RAB38: variants seen among roughly 807,000 people sequenced by gnomAD.
RAB38 encodes the protein RAB38, member RAS oncogene family, also known as ras-related protein Rab-38.
A neutral mutation model predicts 18.4 loss-of-function variants in RAB38; 15 were observed. The ratio of observed to expected loss-of-function variants is 0.82; its 90% CI spans 0.55 to 1.26. The LOEUF (loss-of-function observed/expected upper bound fraction) is 1.26. RAB38 is among the 50% of genes most tolerant of loss of function. RAB38 has a pLI of 0.00. For synonymous variants in RAB38, 101 were observed against 104.4 expected (o/e 0.97, Z 0.20); for missense variants, 294 against 267.4 (o/e 1.10, Z -0.69).
the RAB38 span, among the ~76,000 whole-genome samples, chr11:88,032,396 T>A: frequency 5.3e-5 from 8 of 152,178 alleles, no homozygotes; most frequent in East Asian, 3.9e-4. Flanking sequence ...TAATTAAACT[T>A]AAGAGCTTCT....
the RAB38 span, among the ~76,000 whole-genome samples, chr11:87,927,422 G>T: frequency 6.6e-6 from 1 of 151,934 alleles, no homozygotes; most frequent in Non-Finnish European, 1.5e-5. Flanking sequence ...TTGGAGGTGA[G>T]TTACCTTCAG....
At chr11:87,977,806 T>C in the RAB38 span, among the ~76,000 whole-genome samples, 1 of 110,724 alleles carries the variant, frequency 9.0e-6, no homozygotes, top group Non-Finnish European at 1.7e-5. Flanking sequence ...TATTATAGAG[T>C]TATATATTAA....
At chr11:88,119,702 T>G (rs112534204) in intron 2 of RAB38, among the ~76,000 whole-genome samples, 7 of 152,098 alleles carry the variant, frequency 4.6e-5, no homozygotes, top group African/African-American at 1.7e-4. Context: ...CAGAAAATTT[T>G]CACATCTGCC....
the RAB38 span, among the ~76,000 whole-genome samples, chr11:87,951,590 T>C: frequency 6.6e-6 from 1 of 152,200 alleles, no homozygotes; most frequent in Non-Finnish European, 1.5e-5. Flanking sequence ...GGATGTCCTT[T>C]CTGTTTGTTA....
At chr11:88,045,426 A>C in the RAB38 span, among the ~76,000 whole-genome samples, 1 of 152,216 alleles carries the variant, frequency 6.6e-6, no homozygotes, top group Non-Finnish European at 1.5e-5. Flanking sequence ...TGCGGCGGCC[A>C]GGCATTCCTC....
the RAB38 span, among the ~76,000 whole-genome samples, chr11:88,052,919 TATATATATATATATATATA>T: frequency 2.2e-4 from 6 of 27,820 alleles, no homozygotes; most frequent in African/African-American, 1.5e-3. Context: ...TATATATATA[TATATATATATATATATATA>T]TATATAAATT....
At chr11:87,823,784 A>T in the RAB38 span, among the ~76,000 whole-genome samples, 1 of 152,186 alleles carries the variant, frequency 6.6e-6, no homozygotes, top group Admixed American at 6.5e-5. Context: ...AAAATATGAT[A>T]TGTTCATACA....
the RAB38 span, among the ~76,000 whole-genome samples, chr11:87,964,960 A>G: frequency 6.6e-6 from 1 of 152,182 alleles, no homozygotes; most frequent in Admixed American, 6.6e-5. Context: ...ACAAACAACT[A>G]AAGTTATATC....
At chr11:87,912,426 T>C in the RAB38 span, among the ~76,000 whole-genome samples, 1 of 152,010 alleles carries the variant, frequency 6.6e-6, no homozygotes, top group South Asian at 2.1e-4. Context: ...GAGCTTTTTA[T>C]AGTTTGTGTC....
chr11:87,921,005 A>G, the RAB38 span, among the ~76,000 whole-genome samples: 5 of 152,048 alleles, frequency 3.3e-5, no homozygotes, highest in Non-Finnish European at 7.4e-5. Flanking sequence ...GCATCTGGCA[A>G]GGGCCTTCTT....
intron 1 of RAB38, among the ~76,000 whole-genome samples, chr11:88,170,131 G>C (rs2134857451): frequency 6.6e-6 from 1 of 152,260 alleles, no homozygotes; most frequent in South Asian, 2.1e-4. Flanking sequence ...CCTGCCTTGA[G>C]GCGTTTTCTC....
chr11:87,840,016 C>A, the RAB38 span, among the ~76,000 whole-genome samples: 380 of 152,184 alleles, frequency 2.5e-3, 2 homozygotes, highest in South Asian at 0.012. Context: ...AACCAGTGAG[C>A]CCATGTAATG....
At chr11:88,110,417 A>T (rs1200603903), downstream of RAB38, among the ~76,000 whole-genome samples, 1 of 152,144 alleles carries the variant, frequency 6.6e-6, no homozygotes, top group Non-Finnish European at 1.5e-5. Context: ...GAAATACCTA[A>T]TGCAGATGAT....
At chr11:88,117,170 A>C (rs535547944) in intron 2 of RAB38, among the ~76,000 whole-genome samples, 5 of 152,344 alleles carry the variant, frequency 3.3e-5, no homozygotes, top group African/African-American at 4.8e-5. Context: ...AAAGAGTAGC[A>C]GTTCATGGTG....
At chr11:88,054,667 G>A in the RAB38 span, among the ~76,000 whole-genome samples, 2 of 152,182 alleles carry the variant, frequency 1.3e-5, no homozygotes, top group Non-Finnish European at 2.9e-5. Flanking sequence ...AGATATACAA[G>A]GGACATTAAG....
the RAB38 span, among the ~76,000 whole-genome samples, chr11:87,850,929 G>A: frequency 6.6e-6 from 1 of 152,058 alleles, no homozygotes; most frequent in Non-Finnish European, 1.5e-5. Flanking sequence ...GACCAGTGTG[G>A]CAATTTATCA....
the RAB38 span, among the ~76,000 whole-genome samples, chr11:87,953,911 GTATT>G: frequency 4.1e-5 from 6 of 147,784 alleles, no homozygotes; most frequent in African/African-American, 1.0e-4. Flanking sequence ...TTAGCTATTT[GTATT>G]TATTTATTTT....
chr11:87,918,170 C>A, the RAB38 span, among the ~76,000 whole-genome samples: 1 of 152,046 alleles, frequency 6.6e-6, no homozygotes, highest in Non-Finnish European at 1.5e-5. Context: ...TGGCTTACCT[C>A]ACTTAACACA....
At chr11:87,921,056 G>C in the RAB38 span, among the ~76,000 whole-genome samples, 1 of 152,008 alleles carries the variant, frequency 6.6e-6, no homozygotes, top group Admixed American at 6.6e-5. Flanking sequence ...ATGGTGAAAA[G>C]ACAGAATGAA....
Sources: gnomAD v4.1 joint callset for allele counts (sites outside exome capture counted in the v4.1 genomes callset) on GRCh38, gnomAD v4.1.1 for gene constraint, MANE v1.5 for transcripts, NCBI Gene and HGNC (gene_info 2026-07-23, HGNC 2026-07-21) for gene names.